CDH18: variants seen among roughly 807,000 people sequenced by gnomAD.
CDH18 encodes cadherin 18.
A neutral mutation model predicts 67.9 loss-of-function variants in CDH18; 31 were observed. The ratio of observed to expected loss-of-function variants is 0.46; its 90% CI spans 0.34 to 0.62. CDH18 has a LOEUF of 0.62. CDH18 is among the 20% of genes least tolerant of loss of function. CDH18 has a pLI of 0.01. For missense variants in CDH18, 890 were observed against 975.5 expected, an observed-to-expected ratio of 0.91 and a Z score of 1.17; for synonymous variants, 362 against 347.2, an observed-to-expected ratio of 1.04 and a Z score of -0.48.
intron 3 of CDH18, among the ~76,000 whole-genome samples, chr5:19,761,494 A>G (rs1045698378): frequency 1.3e-5 from 2 of 152,184 alleles, no homozygotes; most frequent in Non-Finnish European, 2.9e-5. Context: ...AGTGTTCTCC[A>G]TACTATTAGA....
chr5:20,238,625 T>G (rs538993424), intron 2 of CDH18, among the ~76,000 whole-genome samples: 1 of 152,168 alleles, frequency 6.6e-6, no homozygotes, highest in African/African-American at 2.4e-5. Context: ...AATGGTATAT[T>G]CACTTCAAAA....
chr5:19,954,672 G>A (rs566017496), intron 2 of CDH18, among the ~76,000 whole-genome samples: 1 of 151,178 alleles, frequency 6.6e-6, no homozygotes, highest in South Asian at 2.1e-4. Context: ...AAGTAAATAG[G>A]AAAAAAAATG....
chr5:19,721,124 G>A (rs764375069), intron 5 of CDH18, among the ~76,000 whole-genome samples: 6 of 152,132 alleles, frequency 3.9e-5, no homozygotes, highest in East Asian at 3.9e-4. Flanking sequence ...TTTCTTGCAC[G>A]GGTATAAATA....
Position 20,428,280 on chromosome 5 carries a change from CT to C in CDH18, c.-580+147181del, listed in dbSNP as rs1175145007. Among the ~76,000 whole-genome samples, 7 of 145,382 alleles carry C rather than the reference CT, an allele frequency of 4.8e-5. No individual in the cohort carries two copies. The South Asian group carries it at 6.2e-4, about 13-fold the overall frequency. On this transcript the variant is annotated intron_variant, in intron 1 of 14. Transcript: ENST00000507958. ...TCCCTGAAAAGGACATGAACTCATT[CT>C]TTTTTATGGCTGCATAGTATTCCAT...
intron 5 of CDH18, among the ~76,000 whole-genome samples, chr5:19,636,653 T>C (rs1267007941): frequency 3.3e-5 from 5 of 151,848 alleles, no homozygotes; most frequent in South Asian, 4.1e-4. Flanking sequence ...ATAAAAAATA[T>C]TTATATAATT....
At chr5:20,432,965 G>C (rs980595838) in intron 1 of CDH18, among the ~76,000 whole-genome samples, 3 of 148,152 alleles carry the variant, frequency 2.0e-5, no homozygotes, top group African/African-American at 7.4e-5. Context: ...GTATATTTTA[G>C]ACAGCATATA....
At chr5:19,782,521 G>T (rs1775243156) in intron 3 of CDH18, among the ~76,000 whole-genome samples, 1 of 152,082 alleles carries the variant, frequency 6.6e-6, no homozygotes, top group Non-Finnish European at 1.5e-5. Flanking sequence ...GTGATGTGGA[G>T]AAAAGCAAAT....
At chr5:19,945,447 A>T (rs968904478) in intron 2 of CDH18, among the ~76,000 whole-genome samples, 1 of 152,196 alleles carries the variant, frequency 6.6e-6, no homozygotes, top group Non-Finnish European at 1.5e-5. Context: ...CTAATATTGT[A>T]TCTAGAAGTC....
At chr5:19,688,235 G>GA (rs1170678329) in intron 5 of CDH18, among the ~76,000 whole-genome samples, 3 of 152,164 alleles carry the variant, frequency 2.0e-5, no homozygotes, top group Non-Finnish European at 4.4e-5. Flanking sequence ...AGAGGTTCAA[G>GA]AACTGGCTCA....
chr5:19,608,713 T>G (rs533916963), intron 6 of CDH18, among the ~76,000 whole-genome samples: 1 of 151,982 alleles, frequency 6.6e-6, no homozygotes, highest in South Asian at 2.1e-4. Flanking sequence ...TCTTGGCAAT[T>G]TACTATCATT....
chr5:20,362,225 T>C (rs1742145402), intron 1 of CDH18, among the ~76,000 whole-genome samples: 1 of 152,300 alleles, frequency 6.6e-6, no homozygotes, highest in South Asian at 2.1e-4. Flanking sequence ...ACATTCACTA[T>C]ACTTGCAGCA....
chr5:19,777,766 A>C (rs1313270167), intron 3 of CDH18, among the ~76,000 whole-genome samples: 1 of 152,154 alleles, frequency 6.6e-6, no homozygotes, highest in Non-Finnish European at 1.5e-5. Context: ...TTATACCTGA[A>C]ATTTTTCAGA....
At chr5:20,290,581 G>A (rs903162040) in intron 1 of CDH18, among the ~76,000 whole-genome samples, 3 of 152,072 alleles carry the variant, frequency 2.0e-5, no homozygotes, top group Non-Finnish European at 4.4e-5. Flanking sequence ...AACCTACAGA[G>A]ACTAAAGTAA....
At chr5:20,483,954 T>G (rs1222424031) in intron 1 of CDH18, among the ~76,000 whole-genome samples, 2 of 152,010 alleles carry the variant, frequency 1.3e-5, no homozygotes, top group Non-Finnish European at 2.9e-5. Flanking sequence ...GTTAAAAATC[T>G]TCTGCACTAA....
chr5:19,977,322 T>C (rs1798593130), intron 2 of CDH18, among the ~76,000 whole-genome samples: 1 of 152,182 alleles, frequency 6.6e-6, no homozygotes, highest in African/African-American at 2.4e-5. Flanking sequence ...TCACAGGCTT[T>C]GCAGTTAGCT....
At chr5:20,369,738 T>G (rs561951725) in intron 1 of CDH18, among the ~76,000 whole-genome samples, 1 of 152,358 alleles carries the variant, frequency 6.6e-6, no homozygotes, top group African/African-American at 2.4e-5. Flanking sequence ...TGTTTGCCTA[T>G]CTGCTTAATA....
chr5:20,227,683 C>T (rs551509207), intron 2 of CDH18, among the ~76,000 whole-genome samples: 5 of 151,840 alleles, frequency 3.3e-5, no homozygotes, highest in South Asian at 4.2e-4. Flanking sequence ...GACAGGGTAT[C>T]GCTATGTTGC....
At chr5:20,227,305 G>A (rs1036921467) in intron 2 of CDH18, among the ~76,000 whole-genome samples, 13 of 151,992 alleles carry the variant, frequency 8.6e-5, no homozygotes, top group Admixed American at 7.9e-4. Context: ...TTTTTGCTGG[G>A]ATATTCTATT....
chr5:20,406,207 G>T (rs1746236709), intron 1 of CDH18, among the ~76,000 whole-genome samples: 1 of 152,160 alleles, frequency 6.6e-6, no homozygotes, highest in Admixed American at 6.5e-5. Flanking sequence ...TGATAGACTG[G>T]ATTAAGAAAA....
Sources: gnomAD v4.1 joint callset for allele counts (sites outside exome capture counted in the v4.1 genomes callset) on GRCh38, gnomAD v4.1.1 for gene constraint, MANE v1.5 for transcripts, NCBI Gene and HGNC (gene_info 2026-07-23, HGNC 2026-07-21) for gene names.